The following MCM5 variants were observed in gnomAD, a reference collection of about 807,000 sequenced individuals.
MCM5 encodes the protein DNA replication licensing factor MCM5.
Under a neutral mutation model 79.9 loss-of-function variants are expected in MCM5, and 46 were observed. The ratio of observed to expected loss-of-function variants is 0.58; its 90% CI spans 0.45 to 0.74. The LOEUF (loss-of-function observed/expected upper bound fraction) is 0.74. Among genes scored for constraint, MCM5 ranks in the 30% least tolerant of loss-of-function variants. The probability of loss-of-function intolerance (pLI) is 0.00; values close to 1 mark genes in which losing one functional copy is unlikely to be tolerated. For synonymous variants in MCM5, 404 were observed against 390.5 expected, an observed-to-expected ratio of 1.03 and a Z score of -0.41; for missense variants, 883 against 1,017.0, an observed-to-expected ratio of 0.87 and a Z score of 1.79.
the MCM5 span, among the ~76,000 whole-genome samples, chr22:35,441,063 A>G: frequency 2.6e-5 from 4 of 151,766 alleles, no homozygotes; most frequent in African/African-American, 9.7e-5. Context: ...GTCAAAAAAA[A>G]AAAAAAAAAA....
intron 15 of MCM5, 114 bp from the exon 16 acceptor site, chr22:35,423,100 G>C (rs1932735302): frequency 8.2e-7 from 1 of 1,223,368 alleles, no homozygotes; most frequent in African/African-American, 1.5e-5. Context: ...GCCCTTTTCT[G>C]ACTTACTCTT....
chr22:35,432,601 T>C, the MCM5 span, among the ~76,000 whole-genome samples: 1 of 152,210 alleles, frequency 6.6e-6, no homozygotes, highest in Non-Finnish European at 1.5e-5. Flanking sequence ...CACCAGCCCA[T>C]GTAGTCAGGT....
the MCM5 span, among the ~76,000 whole-genome samples, chr22:35,452,464 A>T: frequency 1.3e-5 from 2 of 152,176 alleles, no homozygotes; most frequent in East Asian, 3.9e-4. Flanking sequence ...TGCCCGGCAG[A>T]TGTGTGTTGA....
intron 2 of MCM5, chr22:35,401,487 A>G (rs1490224630): frequency 2.1e-6 from 1 of 469,868 alleles, no homozygotes; most frequent in South Asian, 1.5e-5. Flanking sequence ...GACCTGTGAC[A>G]TCATGAGAAT....
the MCM5 span, among the ~76,000 whole-genome samples, chr22:35,452,353 G>T: frequency 6.6e-6 from 1 of 152,172 alleles, no homozygotes; most frequent in Non-Finnish European, 1.5e-5. Flanking sequence ...GAACCGTGTG[G>T]TGTTTCTGTT....
chr22:35,436,177 A>AAG, the MCM5 span, among the ~76,000 whole-genome samples: 2 of 130,474 alleles, frequency 1.5e-5, no homozygotes, highest in African/African-American at 2.6e-5. Flanking sequence ...AAAAAAAAAA[A>AAG]AAAAAAGAAA....
At chr22:35,405,500 G>A (rs1411265550) in intron 4 of MCM5, among the ~76,000 whole-genome samples, 3 of 151,042 alleles carry the variant, frequency 2.0e-5, no homozygotes, top group Non-Finnish European at 4.4e-5. Context: ...CCGAGTAGCT[G>A]GGATTACAGG....
At chr22:35,415,308 A>G (rs1199715765) in intron 9 of MCM5, among the ~76,000 whole-genome samples, 1 of 152,256 alleles carries the variant, frequency 6.6e-6, no homozygotes, top group Non-Finnish European at 1.5e-5. Flanking sequence ...GATTATTGAG[A>G]TACTTTACAT....
the MCM5 span, among the ~76,000 whole-genome samples, chr22:35,447,961 C>CA: frequency 4.6e-5 from 7 of 151,982 alleles, no homozygotes; most frequent in Non-Finnish European, 8.8e-5. Flanking sequence ...GCATTGTGCC[C>CA]AAAAAAATCC....
At chr22:35,446,280 C>G in the MCM5 span, among the ~76,000 whole-genome samples, 4 of 152,050 alleles carry the variant, frequency 2.6e-5, no homozygotes, top group African/African-American at 9.7e-5. Flanking sequence ...GAGAGGTGTC[C>G]CTGCCATGAT....
rs145528204 is a variant in MCM5 at position 35,413,465 on chromosome 22, G to A, written c.1092-410G>A. On this transcript the variant is annotated intron_variant, in intron 8 of 16. Coordinates refer to ENST00000216122, the MANE Select transcript of MCM5 (RefSeq NM_006739.4). Reference sequence around the variant, plus strand: ...GGAATTGAGGCATAGAGAGTTAAAGGGACTTGCTCCCCAGCACATGCAGGG... The same window carrying A: ...GGAATTGAGGCATAGAGAGTTAAAGAGACTTGCTCCCCAGCACATGCAGGG... Among the ~76,000 whole-genome samples the A allele has an allele frequency of 3.8e-3, 581 of 152,270 alleles. 7 individuals carry two copies. The highest frequency in any genetic ancestry group is 0.013 in the African/African-American group (541 of 41,546).
chr22:35,445,857 C>T, the MCM5 span, among the ~76,000 whole-genome samples: 1 of 152,176 alleles, frequency 6.6e-6, no homozygotes, highest in Non-Finnish European at 1.5e-5. Flanking sequence ...TGGTCCAATT[C>T]AGCTGAGTAG....
chr22:35,444,493 C>T, the MCM5 span, among the ~76,000 whole-genome samples: 1 of 152,082 alleles, frequency 6.6e-6, no homozygotes, highest in African/African-American at 2.4e-5. Context: ...CATCCTGGAT[C>T]CCTCCTGGGC....
At chr22:35,423,161 A>G in intron 15 of MCM5, 53 bp from the exon 16 acceptor site, 1 of 1,506,810 alleles carries the variant, frequency 6.6e-7, no homozygotes, top group Non-Finnish European at 8.9e-7. Flanking sequence ...GTCTCTGTCC[A>G]AGAACTCCCA....
chr22:35,422,044 G>A (rs923084227), intron 15 of MCM5: 3 of 177,568 alleles, frequency 1.7e-5, no homozygotes, highest in East Asian at 1.4e-4. Context: ...GGCTACCTAC[G>A]CTGGGGAAAA....
In MCM5 at chr22:35,400,469, TAC is replaced by T. The variant is rs766162364; in HGVS notation, c.33_34del (p.Tyr11Ter). The T allele has an allele frequency of 1.2e-6, 2 of 1,613,998 alleles. No individual in the cohort carries two copies. Among genetic ancestry groups the T allele is most frequent in the African/African-American group, 2.7e-5 (2 of 74,944 alleles). ...GGGATTCGACGATCCTGGCATTTTC[TAC>T]AGCGACAGCTTCGGGGGCGACGCCC... MSGFDDPGIF[Y>X]SDSFGGDAQA... On this transcript the variant is annotated frameshift_variant, in exon 2 of 17. Transcript: ENST00000216122. LOFTEE classifies it high-confidence loss of function.
chr22:35,438,324 C>CATCT, the MCM5 span, among the ~76,000 whole-genome samples: 4 of 87,582 alleles, frequency 4.6e-5, no homozygotes, highest in South Asian at 1.4e-3. Context: ...TTCATCCGTC[C>CATCT]ATCTATCCAT....
Position 35,424,551 on chromosome 22 carries a change from T to C in MCM5, c.*296T>C, listed in dbSNP as rs1932759665. 1 of 287,382 alleles carries C rather than the reference T, an allele frequency of 3.5e-6. No individual in the cohort carries two copies. The highest frequency in any genetic ancestry group is 6.5e-6 in the Non-Finnish European group (1 of 153,628). 17.8% of individuals were successfully genotyped at this position (287,382 alleles called of 1,614,324 possible). A position where few individuals can be genotyped will look rare whatever the true frequency, so the allele number is the denominator to read the frequency against. Reference sequence around the variant, plus strand: ...ACCTGTCACCTCCATCGTGCCCTCATGGCAGGGTAAGTGTGAGGGAACAGG... The same window carrying C: ...ACCTGTCACCTCCATCGTGCCCTCACGGCAGGGTAAGTGTGAGGGAACAGG... On this transcript the variant is annotated 3_prime_UTR_variant, in exon 17 of 17. Transcript: ENST00000216122.
At position 35,417,626 on chromosome 22, in the gene MCM5, C is replaced by T. The variant is rs1016439237; in HGVS notation, c.1591-118C>T. 1.9e-5 allele frequency: 14 copies of T among 733,640 alleles called. No individual in the cohort carries two copies. The African/African-American group carries it at 2.4e-4, about 13-fold the overall frequency. The allele number at this position is 733,640 out of a possible 1,614,324, so 45.4% of individuals were successfully genotyped here. ...CTGAGCACGCCTGAGATCTCAGCACCCTTTCCGGCTCCTTGATGCCAGGGC... is the reference window on the plus strand; with the variant it reads ...CTGAGCACGCCTGAGATCTCAGCACTCTTTCCGGCTCCTTGATGCCAGGGC... On this transcript the variant is annotated intron_variant, in intron 12 of 16. Transcript: ENST00000216122.
Sources: allele counts gnomAD v4.1 joint callset (sites outside exome capture counted in the v4.1 genomes callset), GRCh38; gene constraint gnomAD v4.1.1; transcripts MANE v1.5; gene names NCBI Gene and HGNC (gene_info 2026-07-23, HGNC 2026-07-21).